BORCS5: variants seen among roughly 807,000 people sequenced by gnomAD.
The protein encoded by BORCS5 is BLOC-1 related complex subunit 5.
Under a neutral mutation model 22.1 loss-of-function variants are expected in BORCS5, and 17 were observed. The ratio of observed to expected loss-of-function variants is 0.77; its 90% CI spans 0.53 to 1.15. BORCS5 has a LOEUF of 1.15. BORCS5 is among the 50% of genes most tolerant of loss of function. The probability of loss-of-function intolerance (pLI) is 0.00; values close to 1 mark genes in which losing one functional copy is unlikely to be tolerated. For missense variants in BORCS5, 247 were observed against 253.2 expected (o/e 0.98, Z 0.17); for synonymous variants, 117 against 99.8 (o/e 1.17, Z -1.03).
At chr12:12,432,716 T>C (rs1021309836) in intron 2 of BORCS5, among the ~76,000 whole-genome samples, 2 of 152,232 alleles carry the variant, frequency 1.3e-5, no homozygotes, top group Non-Finnish European at 2.9e-5. Flanking sequence ...ACCATTGATA[T>C]ATCAACAACA....
At chr12:12,423,878 T>C (rs1942208101) in intron 2 of BORCS5, among the ~76,000 whole-genome samples, 2 of 152,074 alleles carry the variant, frequency 1.3e-5, no homozygotes, top group Non-Finnish European at 2.9e-5. Flanking sequence ...TTTGTAGAGA[T>C]GGGGTTTTGC....
chr12:12,438,382 G>GAAAAAAAAAAAAAAAA (rs1565915767), intron 3 of BORCS5, among the ~76,000 whole-genome samples: 81 of 106,928 alleles, frequency 7.6e-4, no homozygotes, highest in African/African-American at 3.8e-3. Context: ...AAAAAAAAAC[G>GAAAAAAAAAAAAAAAA]AAAAACAACA....
chr12:12,452,593 C>G lies in BORCS5; in HGVS notation c.361-12953C>G, dbSNP rs575725058. The G allele has an allele frequency of 1.0e-3, 330 of 326,166 alleles. 1 individual carries two copies. The highest frequency in any genetic ancestry group is 7.7e-3 in the South Asian group (303 of 39,454). 20.2% of individuals were successfully genotyped at this position (326,166 alleles called of 1,614,324 possible). A position where few individuals can be genotyped will look rare whatever the true frequency, so the allele number is the denominator to read the frequency against. ...CCTTCCCCACCCACTCCCTCCCGCA[C>G]GCCGGCAAGAGTTTATTCTTACAGG... On this transcript the variant is annotated intron_variant, in intron 3 of 3. Coordinates refer to ENST00000314565, the MANE Select transcript of BORCS5 (RefSeq NM_058169.6).
chr12:12,383,648 G>A (rs1449821289), intron 2 of BORCS5, among the ~76,000 whole-genome samples: 3 of 150,140 alleles, frequency 2.0e-5, no homozygotes, highest in African/African-American at 4.9e-5. Context: ...GGAATTTTTG[G>A]TTGACAATTT....
chr12:12,457,970 T>A (rs913896951), intron 3 of BORCS5, among the ~76,000 whole-genome samples: 2 of 152,220 alleles, frequency 1.3e-5, no homozygotes, highest in Admixed American at 1.3e-4. Context: ...AGGATAGGAT[T>A]CGGGATAACC....
At chr12:12,438,823 A>G (rs776446963) in intron 3 of BORCS5, among the ~76,000 whole-genome samples, 1 of 152,218 alleles carries the variant, frequency 6.6e-6, no homozygotes, top group Non-Finnish European at 1.5e-5. Flanking sequence ...ATTTAAGTAT[A>G]TATCTTTAAA....
At position 12,467,986 on chromosome 12, in the gene BORCS5, G is replaced by GTC. The variant is rs1421436702; in HGVS notation, c.*2212_*2213dup. 1 of 152,132 alleles carries GTC rather than the reference G, an allele frequency of 6.6e-6. No homozygotes were observed. The highest frequency in any genetic ancestry group is 1.5e-5 in the Non-Finnish European group (1 of 68,038). The allele number at this position is 152,132 out of a possible 1,614,324, so 9.4% of individuals were successfully genotyped here. A position where few individuals can be genotyped will look rare whatever the true frequency, so the allele number is the denominator to read the frequency against. On this transcript the variant is annotated 3_prime_UTR_variant, in exon 4 of 4. Transcript: ENST00000314565. The stretch of plus-strand genomic sequence containing the variant: ...GCCGGGTATGAGAACCAGCTTCTTG[G>GTC]TCTGCAGCCACAAGGATGAAGGTTT...
intron 2 of BORCS5, among the ~76,000 whole-genome samples, chr12:12,424,573 G>A (rs991406063): frequency 6.7e-6 from 1 of 149,770 alleles, no homozygotes; most frequent in African/African-American, 2.4e-5. Context: ...CTTTGAATGA[G>A]CCATACTTTT....
At chr12:12,445,022 A>G (rs1942755298) in intron 3 of BORCS5, among the ~76,000 whole-genome samples, 1 of 152,210 alleles carries the variant, frequency 6.6e-6, no homozygotes, top group African/African-American at 2.4e-5. Context: ...CCTGGACTGC[A>G]TGCAGCCCAC....
chr12:12,434,480 G>C (rs562503135), intron 2 of BORCS5, among the ~76,000 whole-genome samples: 88 of 152,198 alleles, frequency 5.8e-4, no homozygotes, highest in Non-Finnish European at 4.4e-5. Context: ...ATAATACTTA[G>C]ACATTATTTG....
At chr12:12,413,151 C>T (rs1158712423) in intron 2 of BORCS5, among the ~76,000 whole-genome samples, 2 of 61,542 alleles carry the variant, frequency 3.2e-5, no homozygotes, top group South Asian at 3.7e-4. Flanking sequence ...GGGTGTTTCT[C>T]GCAGAGGGGG....
intron 3 of BORCS5, among the ~76,000 whole-genome samples, chr12:12,438,615 T>A (rs1022767415): frequency 6.6e-6 from 1 of 152,018 alleles, no homozygotes. Context: ...CCAATATATA[T>A]GATGGGAAAT....
chr12:12,437,848 T>G (rs2216264), intron 3 of BORCS5, among the ~76,000 whole-genome samples: 92,762 of 151,940 alleles, frequency 0.61, 29,516 homozygotes, highest in African/African-American at 0.78. Flanking sequence ...TTGCAACCTC[T>G]AACTGCTGGG....
At chr12:12,442,754 C>G (rs1407805527) in intron 3 of BORCS5, among the ~76,000 whole-genome samples, 2 of 152,136 alleles carry the variant, frequency 1.3e-5, no homozygotes, top group Non-Finnish European at 2.9e-5. Flanking sequence ...TATGTTCTGC[C>G]TCTTTGGAGT....
chr12:12,371,202 T>G (rs1863521120), intron 2 of BORCS5, among the ~76,000 whole-genome samples: 1 of 152,218 alleles, frequency 6.6e-6, no homozygotes, highest in African/African-American at 2.4e-5. Flanking sequence ...GTGAAGGGTC[T>G]TATTTAGAAT....
intron 2 of BORCS5, among the ~76,000 whole-genome samples, chr12:12,396,337 T>G (rs1364173470): frequency 6.6e-6 from 1 of 152,208 alleles, no homozygotes; most frequent in Non-Finnish European, 1.5e-5. Flanking sequence ...CCACAACTAG[T>G]AGGAGCCGTT....
At chr12:12,385,008 C>T (rs1245295426) in intron 2 of BORCS5, among the ~76,000 whole-genome samples, 2 of 151,268 alleles carry the variant, frequency 1.3e-5, no homozygotes. Context: ...AGAGGTTGTA[C>T]TTAACCACCT....
At chr12:12,436,342 C>T (rs1465877384) in intron 3 of BORCS5, among the ~76,000 whole-genome samples, 1 of 152,204 alleles carries the variant, frequency 6.6e-6, no homozygotes, top group Non-Finnish European at 1.5e-5. Flanking sequence ...TGTGAAAGTA[C>T]TTAGTAAACT....
At chr12:12,371,981 C>T (rs183608572) in intron 2 of BORCS5, among the ~76,000 whole-genome samples, 292 of 152,252 alleles carry the variant, frequency 1.9e-3, no homozygotes, top group Non-Finnish European at 3.6e-3. Flanking sequence ...TCTTTGATCT[C>T]TCTGCTTATC....
Sources: gnomAD v4.1 joint callset for allele counts (sites outside exome capture counted in the v4.1 genomes callset) on GRCh38, gnomAD v4.1.1 for gene constraint, MANE v1.5 for transcripts, NCBI Gene and HGNC (gene_info 2026-07-23, HGNC 2026-07-21) for gene names.